The following PLA2G5 variants were observed in gnomAD, a reference collection of about 807,000 sequenced individuals.
PLA2G5 encodes the protein phospholipase A2 group V, also known as Ca2+-dependent phospholipase A2.
In PLA2G5, 12 loss-of-function variants were observed where a neutral mutation model predicts 15.9. That is an observed-to-expected ratio of 0.76 (90% CI 0.48 to 1.23). The LOEUF (loss-of-function observed/expected upper bound fraction) is 1.23. Ranked by LOEUF, PLA2G5 falls within the 50% of genes most tolerant of loss-of-function variation. The probability of loss-of-function intolerance (pLI) is 0.00; values close to 1 mark genes in which losing one functional copy is unlikely to be tolerated. For synonymous variants in PLA2G5, 71 were observed against 71.4 expected, an observed-to-expected ratio of 0.99 and a Z score of 0.03; for missense variants, 169 against 177.1, an observed-to-expected ratio of 0.95 and a Z score of 0.26.
Position 20,086,217 on chromosome 1 carries a change from G to T in PLA2G5, c.175G>T (p.Gly59Cys). 2 of 1,614,154 alleles carry T rather than the reference G, an allele frequency of 1.2e-6. No homozygotes were observed. The highest frequency in any genetic ancestry group is 2.2e-5 in the South Asian group (2 of 91,078). ...GWGGRGTPKDGTDWCCWAHDH... is the reference protein window; with the variant it reads ...GWGGRGTPKDCTDWCCWAHDH... Reference sequence around the variant, plus strand: ...GGGCGGCCGAGGAACCCCCAAGGATGGCACCGATTGGTGAGCTGATCGCTA... The same window carrying T: ...GGGCGGCCGAGGAACCCCCAAGGATTGCACCGATTGGTGAGCTGATCGCTA... Residue 59 changes from glycine to cysteine, a missense_variant, in exon 3 of 5, where the codon GGC (glycine) becomes TGC (cysteine). Gly to Cys is a radical substitution (Grantham distance 159). Transcript: ENST00000375108.
intron 1 of PLA2G5, among the ~76,000 whole-genome samples, chr1:20,049,187 A>G (rs1050861895): frequency 6.6e-6 from 1 of 151,916 alleles, no homozygotes; most frequent in East Asian, 1.9e-4. Context: ...ATGACTGGTT[A>G]TTTAAGAAAG....
At chr1:20,061,223 T>C (rs1438987100) in intron 2 of PLA2G5, among the ~76,000 whole-genome samples, 4 of 152,146 alleles carry the variant, frequency 2.6e-5, no homozygotes, top group Admixed American at 6.5e-5. Flanking sequence ...ACTTTAAGAA[T>C]TGTTGCCCCA....
chr1:20,045,429 A>G (rs2013846994), intron 1 of PLA2G5, among the ~76,000 whole-genome samples: 1 of 151,756 alleles, frequency 6.6e-6, no homozygotes, highest in Admixed American at 6.6e-5. Context: ...GTGATTAAAC[A>G]TGAAGGGAAG....
intron 3 of PLA2G5, among the ~76,000 whole-genome samples, chr1:20,086,572 C>T (rs559540503): frequency 2.6e-4 from 40 of 152,332 alleles, no homozygotes; most frequent in Non-Finnish European, 5.7e-4. Flanking sequence ...TGGCTCACTC[C>T]TATGGCTGGC....
intron 1 of PLA2G5, among the ~76,000 whole-genome samples, chr1:20,047,569 C>G (rs951002472): frequency 1.3e-5 from 2 of 151,906 alleles, no homozygotes; most frequent in African/African-American, 4.8e-5. Flanking sequence ...CTTTTTTTCT[C>G]TATTTTATTT....
intron 1 of PLA2G5, among the ~76,000 whole-genome samples, chr1:20,076,239 T>C (rs993721491): frequency 7.2e-5 from 11 of 152,148 alleles, no homozygotes; most frequent in African/African-American, 2.7e-4. Flanking sequence ...ATTTTGTTTT[T>C]TTTAAAGCAC....
At chr1:20,042,244 T>C (rs1042144055) in intron 1 of PLA2G5, among the ~76,000 whole-genome samples, 9 of 152,136 alleles carry the variant, frequency 5.9e-5, no homozygotes, top group African/African-American at 2.2e-4. Context: ...AACCTGCCTA[T>C]GCTGGTGAGT....
At chr1:20,072,069 C>A (rs1243038097) in intron 1 of PLA2G5, among the ~76,000 whole-genome samples, 1 of 144,054 alleles carries the variant, frequency 6.9e-6, no homozygotes, top group Non-Finnish European at 1.5e-5. Context: ...GATCGCACCG[C>A]TGCGCTCCAG....
chr1:20,032,390 T>C (rs2013006092), intron 1 of PLA2G5, among the ~76,000 whole-genome samples: 1 of 151,912 alleles, frequency 6.6e-6, no homozygotes, highest in Non-Finnish European at 1.5e-5. Flanking sequence ...AAAGTTTCTG[T>C]CCATCCAGAG....
chr1:20,082,413 C>T (rs574005404), intron 1 of PLA2G5, among the ~76,000 whole-genome samples: 1 of 151,898 alleles, frequency 6.6e-6, no homozygotes, highest in Non-Finnish European at 1.5e-5. Context: ...CCGAACGTCC[C>T]TAGCAGGTCA....
At chr1:20,068,741 A>T, upstream of PLA2G5, 1 of 328,998 alleles carries the variant, frequency 3.0e-6, no homozygotes, top group Non-Finnish European at 5.8e-6. Flanking sequence ...GTGAGCCCCC[A>T]CGCCCGGCCA....
chr1:20,075,205 A>G (rs2015602039), intron 1 of PLA2G5, among the ~76,000 whole-genome samples: 1 of 152,214 alleles, frequency 6.6e-6, no homozygotes, highest in Non-Finnish European at 1.5e-5. Context: ...AACTCAGGTT[A>G]TCTTGTTCTT....
intron 1 of PLA2G5, among the ~76,000 whole-genome samples, chr1:20,076,526 A>G (rs184765123): frequency 3.9e-5 from 6 of 152,286 alleles, no homozygotes; most frequent in Admixed American, 3.9e-4. Context: ...CAGGTGTACG[A>G]TTCTGGGTCC....
chr1:20,037,459 G>A (rs1490879480), intron 1 of PLA2G5, among the ~76,000 whole-genome samples: 1 of 152,210 alleles, frequency 6.6e-6, no homozygotes, highest in Non-Finnish European at 1.5e-5. Flanking sequence ...AGTGGAGATA[G>A]CAAGGAAGTG....
intron 1 of PLA2G5, among the ~76,000 whole-genome samples, chr1:20,032,798 G>T (rs1351495585): frequency 1.3e-5 from 2 of 152,196 alleles, no homozygotes; most frequent in Non-Finnish European, 2.9e-5. Context: ...CAGGATGTAT[G>T]TTGGGAAAAA....
chr1:20,066,377 G>T (rs1215064797), upstream of PLA2G5, among the ~76,000 whole-genome samples: 1 of 152,116 alleles, frequency 6.6e-6, no homozygotes, highest in Non-Finnish European at 1.5e-5. Context: ...CTTTTGTATT[G>T]TTCACAAAGC....
chr1:20,069,883 G>A (rs1229765177), upstream of PLA2G5, among the ~76,000 whole-genome samples: 1 of 152,020 alleles, frequency 6.6e-6, no homozygotes, highest in African/African-American at 2.4e-5. Flanking sequence ...TAGTTTTACT[G>A]TATACTAGAT....
At chr1:20,081,113 T>A (rs969619135) in intron 1 of PLA2G5, among the ~76,000 whole-genome samples, 5 of 151,796 alleles carry the variant, frequency 3.3e-5, no homozygotes, top group African/African-American at 4.9e-5. Context: ...CATCTTCCTA[T>A]GGGCTGTCCG....
chr1:20,035,775 T>C (rs1349464850), intron 1 of PLA2G5, among the ~76,000 whole-genome samples: 2 of 152,218 alleles, frequency 1.3e-5, no homozygotes, highest in East Asian at 1.9e-4. Flanking sequence ...AGATGTTGCC[T>C]GAACACCTTG....
Sources: gnomAD v4.1 joint callset for allele counts (sites outside exome capture counted in the v4.1 genomes callset) on GRCh38, gnomAD v4.1.1 for gene constraint, MANE v1.5 for transcripts, NCBI Gene and HGNC (gene_info 2026-07-23, HGNC 2026-07-21) for gene names.